The following ENTPD4 variants were observed in gnomAD, a reference collection of about 807,000 sequenced individuals.
ENTPD4 encodes the protein ectonucleoside triphosphate diphosphohydrolase 4.
Under a neutral mutation model 79.1 loss-of-function variants are expected in ENTPD4, and 60 were observed. The observed-to-expected ratio is 0.76, with a 90% confidence interval of 0.62 to 0.94. ENTPD4 has a LOEUF of 0.94. ENTPD4 is among the 40% of genes least tolerant of loss of function. The pLI is 0.00. For missense variants in ENTPD4, 772 were observed against 775.1 expected (o/e 1.00, Z 0.05); for synonymous variants, 276 against 292.0 (o/e 0.95, Z 0.56).
At chr8:23,444,414 C>T (rs1248157924) in intron 5 of ENTPD4, 42 bp downstream of exon 5, 1 of 1,590,722 alleles carries the variant, frequency 6.3e-7, no homozygotes, top group Non-Finnish European at 8.6e-7. Flanking sequence ...CCTCTCCCCT[C>T]CAGGAACCCA....
At chr8:23,434,106 G>A (rs1800510945) in intron 12 of ENTPD4, 3 of 590,528 alleles carry the variant, frequency 5.1e-6, no homozygotes, top group Non-Finnish European at 3.0e-6. Flanking sequence ...TAGGACAGGA[G>A]TGCTGTGTAT....
In ENTPD4 at chr8:23,454,672, A is replaced by G. The variant is rs150724913; in HGVS notation, c.-98+2885T>C. ...GTGACCGAGAGAATGATCACAGCGC[A>G]CTTAGGAAACTTTGTGTCATCTGAG... On this transcript the variant is annotated intron_variant, in intron 1 of 12. Transcript: ENST00000358689. Among the ~76,000 whole-genome samples, 786 of 152,290 alleles carry G rather than the reference A, an allele frequency of 5.2e-3. 5 individuals are homozygous for G. The highest frequency in any genetic ancestry group is 0.016 in the African/African-American group (653 of 41,566).
At chr8:23,434,869 T>A in intron 11 of ENTPD4, 1 of 281,184 alleles carries the variant, frequency 3.6e-6, no homozygotes, top group Non-Finnish European at 6.0e-6. Flanking sequence ...TCTGATATTC[T>A]ATGACTCTAA....
intron 10 of ENTPD4, among the ~76,000 whole-genome samples, chr8:23,435,825 T>C (rs917565179): frequency 1.3e-5 from 2 of 152,206 alleles, no homozygotes; most frequent in African/African-American, 4.8e-5. Context: ...TCAAACTAAG[T>C]CCTACATCTG....
intron 6 of ENTPD4, among the ~76,000 whole-genome samples, chr8:23,442,582 C>G (rs1418646916): frequency 1.3e-5 from 2 of 152,054 alleles, no homozygotes; most frequent in East Asian, 3.9e-4. Flanking sequence ...ATTCGGGAAG[C>G]TGAGGCAGGA....
At chr8:23,444,928 T>C (rs1289374420) in intron 4 of ENTPD4, among the ~76,000 whole-genome samples, 1 of 152,132 alleles carries the variant, frequency 6.6e-6, no homozygotes, top group East Asian at 1.9e-4. Flanking sequence ...CTGAGGCTGC[T>C]ATCACCATCA....
rs1342293690 is a variant in ENTPD4 at position 23,430,146 on chromosome 8, C to A, written c.*2780G>T. On this transcript the variant is annotated 3_prime_UTR_variant, in exon 13 of 13. Coordinates refer to ENST00000358689, the MANE Select transcript of ENTPD4 (RefSeq NM_004901.5). ...TCCTCCCTGGCTTGTCTCTCACCCACCCTGTATCTCTTAGAGAAAGCACCT... is the reference window on the plus strand; with the variant it reads ...TCCTCCCTGGCTTGTCTCTCACCCAACCTGTATCTCTTAGAGAAAGCACCT... 1.0e-6 allele frequency: 1 copy of A among 985,344 alleles called. No homozygotes were observed. Among genetic ancestry groups the A allele is most frequent in the African/African-American group, 1.7e-5 (1 of 57,248 alleles). The allele number at this position is 985,344 out of a possible 1,614,324, so 61.0% of individuals were successfully genotyped here.
Position 23,439,816 on chromosome 8 carries a change from A to G in ENTPD4, c.982T>C (p.Phe328Leu), listed in dbSNP as rs1371760830. ...CTCTGTCGAGCAGCATTGCCACCAA[A>G]CCCAAGAAACGTGGCCACATAGACT... ...YRVYVATFLG[F>L]GGNAARQRYE... Residue 328 changes from phenylalanine to leucine, a missense_variant, in exon 9 of 13, where the codon TTT becomes CTT. Coordinates refer to ENST00000358689, the MANE Select transcript of ENTPD4 (RefSeq NM_004901.5). 2 of 1,613,992 alleles carry G rather than the reference A, an allele frequency of 1.2e-6. No individual in the cohort carries two copies. Among genetic ancestry groups the G allele is most frequent in the African/African-American group, 2.7e-5 (2 of 74,886 alleles).
chr8:23,430,172 G>C lies in ENTPD4; in HGVS notation c.*2754C>G. 1 of 985,436 alleles carries C rather than the reference G, an allele frequency of 1.0e-6. No homozygotes were observed. The highest frequency in any genetic ancestry group is 1.2e-6 in the Non-Finnish European group (1 of 829,942). The allele number at this position is 985,436 out of a possible 1,614,324, so 61.0% of individuals were successfully genotyped here. A position where few individuals can be genotyped will look rare whatever the true frequency, so the allele number is the denominator to read the frequency against. Reference sequence around the variant, plus strand: ...CCTGTATCTCTTAGAGAAAGCACCTGGCTGTCTTCACCTACGCGAGACCTT... The same window carrying C: ...CCTGTATCTCTTAGAGAAAGCACCTCGCTGTCTTCACCTACGCGAGACCTT... On this transcript the variant is annotated 3_prime_UTR_variant, in exon 13 of 13. Coordinates refer to ENST00000358689, the MANE Select transcript of ENTPD4 (RefSeq NM_004901.5).
At chr8:23,435,131 G>A (rs1461676506) in intron 11 of ENTPD4, among the ~76,000 whole-genome samples, 1 of 152,260 alleles carries the variant, frequency 6.6e-6, no homozygotes, top group East Asian at 1.9e-4. Context: ...GCTGGACTCT[G>A]ATGTCTGGGC....
At chr8:23,455,882 C>T (rs998313821) in intron 1 of ENTPD4, among the ~76,000 whole-genome samples, 2 of 152,160 alleles carry the variant, frequency 1.3e-5, no homozygotes, top group Non-Finnish European at 2.9e-5. Context: ...GCTTTGATTC[C>T]CACATCCGGT....
Position 23,430,346 on chromosome 8 carries a change from T to C in ENTPD4, c.*2580A>G. 3 of 985,402 alleles carry C rather than the reference T, an allele frequency of 3.0e-6. No individual in the cohort carries two copies. Among genetic ancestry groups the C allele is most frequent in the Non-Finnish European group, 3.6e-6 (3 of 829,928 alleles). 61.0% of individuals were successfully genotyped at this position (985,402 alleles called of 1,614,324 possible). A position where few individuals can be genotyped will look rare whatever the true frequency, so the allele number is the denominator to read the frequency against. ...CTTGAAAATAATCTAGACGGAAAAA[T>C]CCGAAGTGAAATTCTGGTGCAACAA... On this transcript the variant is annotated 3_prime_UTR_variant, in exon 13 of 13. Coordinates refer to ENST00000358689, the MANE Select transcript of ENTPD4 (RefSeq NM_004901.5).
At chr8:23,447,636 A>AACAG in intron 4 of ENTPD4, 44 bp downstream of exon 4, 1 of 1,460,474 alleles carries the variant, frequency 6.8e-7, no homozygotes, top group Non-Finnish European at 9.6e-7. Flanking sequence ...CAGAGAATGA[A>AACAG]GGTACACACC....
chr8:23,430,766 G>A lies in ENTPD4; in HGVS notation c.*2160C>T. On this transcript the variant is annotated 3_prime_UTR_variant, in exon 13 of 13. Transcript: ENST00000358689. ...GCCCACCTGCCCACTTCAACCATTT[G>A]TGGCCCCTTCCTTTCCTTTCTTCCC... 1.0e-6 allele frequency: 1 copy of A among 985,676 alleles called. No homozygotes were observed. Among genetic ancestry groups the A allele is most frequent in the Non-Finnish European group, 1.2e-6 (1 of 830,156 alleles). The allele number at this position is 985,676 out of a possible 1,614,324, so 61.1% of individuals were successfully genotyped here. A position where few individuals can be genotyped will look rare whatever the true frequency, so the allele number is the denominator to read the frequency against.
chr8:23,440,956 A>C (rs1469779953), intron 8 of ENTPD4, among the ~76,000 whole-genome samples: 1 of 152,232 alleles, frequency 6.6e-6, no homozygotes, highest in African/African-American at 2.4e-5. Context: ...TTTGAGGGGA[A>C]AATCCAGAAA....
At chr8:23,447,610 G>A (rs1800784155) in intron 4 of ENTPD4, 70 bp downstream of exon 4, 6 of 1,234,052 alleles carry the variant, frequency 4.9e-6, no homozygotes, top group South Asian at 1.2e-5. Flanking sequence ...GAAAGGGAAC[G>A]ATATGAAAGA....
At position 23,429,226 on chromosome 8, in the gene ENTPD4, C is replaced by T. The variant is rs535962185; in HGVS notation, c.*3700G>A. The T allele has an allele frequency of 1.0e-6, 1 of 985,308 alleles. No individual in the cohort carries two copies. Among genetic ancestry groups the T allele is most frequent in the Non-Finnish European group, 1.2e-6 (1 of 829,922 alleles). The allele number at this position is 985,308 out of a possible 1,614,324, so 61.0% of individuals were successfully genotyped here. A position where few individuals can be genotyped will look rare whatever the true frequency, so the allele number is the denominator to read the frequency against. On this transcript the variant is annotated 3_prime_UTR_variant, in exon 13 of 13. Transcript: ENST00000358689. ...CAAGTGTGGCACTGTAAGGCTGCCACATACAGCAAGTGACATGACACCAAA... is the reference window on the plus strand; with the variant it reads ...CAAGTGTGGCACTGTAAGGCTGCCATATACAGCAAGTGACATGACACCAAA...
chr8:23,430,922 T>C lies in ENTPD4; in HGVS notation c.*2004A>G. 1.0e-6 allele frequency: 1 copy of C among 985,456 alleles called. No homozygotes were observed. The highest frequency in any genetic ancestry group is 1.2e-6 in the Non-Finnish European group (1 of 829,948). 61.0% of individuals were successfully genotyped at this position (985,456 alleles called of 1,614,324 possible). On this transcript the variant is annotated 3_prime_UTR_variant, in exon 13 of 13. Coordinates refer to ENST00000358689, the MANE Select transcript of ENTPD4 (RefSeq NM_004901.5). The stretch of plus-strand genomic sequence containing the variant: ...TATTAGGTAGCCAGAAGCTCACCCC[T>C]TTCTTAACAACTTTGACCACGAAGC...
At chr8:23,439,688 G>T in intron 9 of ENTPD4, 61 bp downstream of exon 9, 1 of 1,543,066 alleles carries the variant, frequency 6.5e-7, no homozygotes, top group Non-Finnish European at 8.9e-7. Flanking sequence ...GCCTGGGTCT[G>T]TTTTTTATGA....
Sources: gnomAD v4.1 joint callset for allele counts (sites outside exome capture counted in the v4.1 genomes callset) on GRCh38, gnomAD v4.1.1 for gene constraint, MANE v1.5 for transcripts, NCBI Gene and HGNC (gene_info 2026-07-23, HGNC 2026-07-21) for gene names.